The following CSNK1G3 variants were observed in gnomAD, a reference collection of about 807,000 sequenced individuals.
CSNK1G3 encodes the protein casein kinase I isoform gamma-3.
In CSNK1G3, 23 loss-of-function variants were observed where a neutral mutation model predicts 64.3. That is an observed-to-expected ratio of 0.36 (90% CI 0.26 to 0.51). The LOEUF is 0.51. CSNK1G3 is among the 20% of genes least tolerant of loss of function. The probability of loss-of-function intolerance (pLI) is 0.96; values close to 1 mark genes in which losing one functional copy is unlikely to be tolerated. For missense variants in CSNK1G3, 357 were observed against 510.5 expected (o/e 0.70, Z 2.90); for synonymous variants, 158 against 162.2 (o/e 0.97, Z 0.20).
intron 6 of CSNK1G3, among the ~76,000 whole-genome samples, chr5:123,583,261 A>G (rs1158810930): frequency 3.9e-5 from 6 of 152,024 alleles, no homozygotes; most frequent in African/African-American, 1.4e-4. Flanking sequence ...ATACATTGAT[A>G]AATGTATCCT....
At position 123,614,470 on chromosome 5, in the gene CSNK1G3, A is replaced by G. The variant is rs1001302621; in HGVS notation, c.*74A>G. ...GTCTTGTGATTAAAATCATCTCTGT[A>G]GTGACCACGTATATTTTCAAGGACT... On this transcript the variant is annotated 3_prime_UTR_variant, in exon 13 of 13. Transcript: ENST00000345990. 6.2e-6 allele frequency: 8 copies of G among 1,293,878 alleles called. No individual in the cohort carries two copies. The African/African-American group carries it at 1.2e-4, about 20-fold the overall frequency. 80.1% of individuals were successfully genotyped at this position (1,293,878 alleles called of 1,614,324 possible).
chr5:123,556,533 A>C (rs1232526063), intron 3 of CSNK1G3, among the ~76,000 whole-genome samples: 2 of 151,792 alleles, frequency 1.3e-5, no homozygotes, highest in African/African-American at 4.8e-5. Flanking sequence ...ACAGTTTCCA[A>C]ATTCTCTCTT....
intron 4 of CSNK1G3, among the ~76,000 whole-genome samples, chr5:123,568,944 C>T (rs1288239214): frequency 2.0e-5 from 3 of 152,122 alleles, no homozygotes; most frequent in Non-Finnish European, 4.4e-5. Context: ...GAGAAACATG[C>T]ATTAAAATGA....
chr5:123,588,952 G>A (rs889755334), intron 8 of CSNK1G3, among the ~76,000 whole-genome samples: 3 of 152,086 alleles, frequency 2.0e-5, no homozygotes, highest in Non-Finnish European at 4.4e-5. Context: ...TCACTAGTTT[G>A]GGGCTAATTT....
chr5:123,597,159 GAA>G (rs992431625), intron 10 of CSNK1G3, among the ~76,000 whole-genome samples: 1 of 151,968 alleles, frequency 6.6e-6, no homozygotes, highest in Non-Finnish European at 1.5e-5. Flanking sequence ...GAGAGAAAGA[GAA>G]AAAAACTTTT....
At chr5:123,566,549 C>G (rs1786917759) in intron 4 of CSNK1G3, among the ~76,000 whole-genome samples, 1 of 152,074 alleles carries the variant, frequency 6.6e-6, no homozygotes, top group Non-Finnish European at 1.5e-5. Flanking sequence ...GAATCTCTAC[C>G]TTGTGACCTA....
chr5:123,524,957 A>AT (rs1322391955), intron 1 of CSNK1G3, among the ~76,000 whole-genome samples: 1 of 152,170 alleles, frequency 6.6e-6, no homozygotes, highest in Non-Finnish European at 1.5e-5. Context: ...CTAGATCCTA[A>AT]TAGGAGCATG....
At chr5:123,581,822 A>G (rs549656523) in intron 6 of CSNK1G3, among the ~76,000 whole-genome samples, 7 of 151,946 alleles carry the variant, frequency 4.6e-5, no homozygotes, top group African/African-American at 9.7e-5. Flanking sequence ...TTAATATTTA[A>G]GAAGGAAATA....
chr5:123,532,028 C>G, intron 1 of CSNK1G3, among the ~76,000 whole-genome samples: 1 of 151,756 alleles, frequency 6.6e-6, no homozygotes, highest in Non-Finnish European at 1.5e-5. Context: ...TTACCATTGA[C>G]TGCATCTGCA....
At chr5:123,559,723 A>G (rs925646523) in intron 4 of CSNK1G3, among the ~76,000 whole-genome samples, 12 of 134,302 alleles carry the variant, frequency 8.9e-5, no homozygotes, top group Admixed American at 3.8e-4. Flanking sequence ...TTTTTTGGTC[A>G]TTTGTGAGTT....
chr5:123,570,891 C>T (rs1345455979), intron 4 of CSNK1G3, among the ~76,000 whole-genome samples: 1 of 152,050 alleles, frequency 6.6e-6, no homozygotes, highest in Non-Finnish European at 1.5e-5. Flanking sequence ...TGAGAGCTGT[C>T]GATGTTGTGG....
chr5:123,576,488 G>A (rs1195782881), intron 6 of CSNK1G3, among the ~76,000 whole-genome samples: 1 of 152,110 alleles, frequency 6.6e-6, no homozygotes, highest in African/African-American at 2.4e-5. Context: ...GGTAAAAAGA[G>A]TAAAACAATA....
chr5:123,591,227 GT>G lies in CSNK1G3; in HGVS notation c.991-85del, dbSNP rs539866624. The G allele has an allele frequency of 5.8e-4, 383 of 664,364 alleles. No homozygotes were observed. In the African/African-American group the frequency reaches 6.7e-3, roughly 12 times the overall value. The allele number at this position is 664,364 out of a possible 1,614,324, so 41.2% of individuals were successfully genotyped here. A position where few individuals can be genotyped will look rare whatever the true frequency, so the allele number is the denominator to read the frequency against. The stretch of plus-strand genomic sequence containing the variant: ...GCCTTAGTTTATTTAACAGTCTTTT[GT>G]TTTTTTCCTTAATTCTTTTAAGCAG... On this transcript the variant is annotated intron_variant, in intron 9 of 12. Coordinates refer to ENST00000345990, the Ensembl canonical transcript of CSNK1G3.
chr5:123,523,201 G>A (rs532977047), intron 1 of CSNK1G3, among the ~76,000 whole-genome samples: 2 of 151,802 alleles, frequency 1.3e-5, no homozygotes, highest in African/African-American at 2.4e-5. Flanking sequence ...GTTTATTCCC[G>A]CTCAGTGAAA....
chr5:123,540,442 C>T (rs1199886895), intron 1 of CSNK1G3, among the ~76,000 whole-genome samples: 1 of 151,866 alleles, frequency 6.6e-6, no homozygotes, highest in East Asian at 1.9e-4. Context: ...TCCAGATCAC[C>T]GATTAAAAAC....
chr5:123,588,690 A>G (rs1791777926), intron 8 of CSNK1G3, among the ~76,000 whole-genome samples, 179 bp downstream of exon 8: 1 of 152,270 alleles, frequency 6.6e-6, no homozygotes, highest in South Asian at 2.1e-4. Context: ...TTTGCTTTGC[A>G]AATGGTATTA....
At chr5:123,594,907 C>T (rs1278394199) in intron 10 of CSNK1G3, 132 bp from the exon 11 acceptor site, 2 of 650,028 alleles carry the variant, frequency 3.1e-6, no homozygotes, top group Non-Finnish European at 5.2e-6. Context: ...GATAACTGCA[C>T]CATGATTCAG....
At chr5:123,592,368 T>C (rs904435707) in intron 10 of CSNK1G3, among the ~76,000 whole-genome samples, 3 of 151,934 alleles carry the variant, frequency 2.0e-5, no homozygotes, top group Non-Finnish European at 2.9e-5. Flanking sequence ...GGCATAGAAG[T>C]TGATCAAGTA....
At chr5:123,575,408 G>A (rs1231518045) in intron 5 of CSNK1G3, among the ~76,000 whole-genome samples, 1 of 152,134 alleles carries the variant, frequency 6.6e-6, no homozygotes, top group Non-Finnish European at 1.5e-5. Context: ...TGGGTTCAAG[G>A]TCTTATATCA....
Sources: allele counts gnomAD v4.1 joint callset (sites outside exome capture counted in the v4.1 genomes callset), GRCh38; gene constraint gnomAD v4.1.1; transcripts MANE v1.5; gene names NCBI Gene and HGNC (gene_info 2026-07-23, HGNC 2026-07-21).